The following RAD51B variants were observed in gnomAD, a reference collection of about 807,000 sequenced individuals.
RAD51B encodes the protein RAD51 paralog B, also known as DNA repair protein RAD51 homolog 2.
RAD51B carries 38 observed loss-of-function variants against 42.2 expected under a neutral mutation model. That is an observed-to-expected ratio of 0.90 (90% CI 0.70 to 1.18). The LOEUF is 1.18. Ranked by LOEUF, RAD51B falls within the 50% of genes most tolerant of loss-of-function variation. The pLI is 0.00. For missense variants in RAD51B, 373 were observed against 400.7 expected, an observed-to-expected ratio of 0.93 and a Z score of 0.59; for synonymous variants, 154 against 145.2, an observed-to-expected ratio of 1.06 and a Z score of -0.43.
intron 7 of RAD51B, among the ~76,000 whole-genome samples, chr14:68,255,874 TG>T (rs1481719484): frequency 1.3e-5 from 2 of 152,154 alleles, no homozygotes; most frequent in Non-Finnish European, 2.9e-5. Context: ...TAGAGGTGCC[TG>T]GGGGAGGGAA....
Position 68,477,808 on chromosome 14 carries a change from C to G in RAD51B, c.*144C>G. On this transcript the variant is annotated 3_prime_UTR_variant, in exon 11 of 11. Transcript: ENST00000471583. ...TGTTGAGATGGTAACAGATTTGCTC[C>G]TAAACCATTGAGCTAGCGATTTCAG... 1 of 1,494,108 alleles carries G rather than the reference C, an allele frequency of 6.7e-7. No homozygotes were observed. Among genetic ancestry groups the G allele is most frequent in the Non-Finnish European group, 8.9e-7 (1 of 1,124,312 alleles). 92.6% of individuals were successfully genotyped at this position (1,494,108 alleles called of 1,614,324 possible).
At position 68,611,142 on chromosome 14, in the gene RAD51B, C is replaced by T. The variant is rs746818123; in HGVS notation, c.1173C>T (p.Ser391=). ...ATCCCAGGCTGTTACCCAGTGTCTC[C>T]ATGTGCCCTCCACAGATGCACTCAA... Residue 391 remains serine (S), a synonymous_variant, in exon 11 of 11, where the codon TCC becomes TCT. Coordinates refer to the RAD51B transcript ENST00000487861. 1.4e-5 allele frequency: 10 copies of T among 703,220 alleles called. No individual in the cohort carries two copies. The East Asian group carries it at 2.7e-4, about 19-fold the overall frequency. The allele number at this position is 703,220 out of a possible 1,614,324, so 43.6% of individuals were successfully genotyped here. A position where few individuals can be genotyped will look rare whatever the true frequency, so the allele number is the denominator to read the frequency against.
chr14:68,443,841 T>TA (rs200083707), intron 9 of RAD51B, among the ~76,000 whole-genome samples: 11,327 of 143,516 alleles, frequency 0.079, 465 homozygotes, highest in Non-Finnish European at 0.094. Context: ...AATTTGTGTT[T>TA]AAAAAAAAAA....
intron 9 of RAD51B, among the ~76,000 whole-genome samples, chr14:68,454,347 A>G (rs2085629717): frequency 1.3e-5 from 2 of 152,334 alleles, no homozygotes; most frequent in South Asian, 2.1e-4. Flanking sequence ...AAGAACATTG[A>G]CAAAAACTTA....
intron 4 of RAD51B, among the ~76,000 whole-genome samples, chr14:67,845,109 G>A (rs1018613071): frequency 5.9e-5 from 9 of 151,680 alleles, no homozygotes; most frequent in African/African-American, 2.0e-4. Flanking sequence ...TACATTCAAC[G>A]TTAATATTGA....
chr14:68,631,029 A>T (rs1892215799), intron 10 of RAD51B, among the ~76,000 whole-genome samples: 2 of 152,190 alleles, frequency 1.3e-5, no homozygotes, highest in African/African-American at 4.8e-5. Flanking sequence ...GAGCTCATAT[A>T]ATTGAGGCAA....
At chr14:68,273,667 G>A (rs1368901633) in intron 7 of RAD51B, among the ~76,000 whole-genome samples, 5 of 152,004 alleles carry the variant, frequency 3.3e-5, no homozygotes, top group African/African-American at 9.7e-5. Flanking sequence ...GATTAGGTTC[G>A]GAACAAGCAC....
chr14:68,346,457 G>A (rs1407779129), intron 8 of RAD51B, among the ~76,000 whole-genome samples: 2 of 152,096 alleles, frequency 1.3e-5, no homozygotes, highest in Non-Finnish European at 2.9e-5. Context: ...CTATTCTGTT[G>A]CCCCTTCCCC....
intron 10 of RAD51B, among the ~76,000 whole-genome samples, chr14:68,553,481 G>C (rs1888675629): frequency 6.6e-6 from 1 of 152,128 alleles, no homozygotes; most frequent in Admixed American, 6.5e-5. Context: ...TGCAGCTGAA[G>C]ACGAGCCATC....
intron 9 of RAD51B, among the ~76,000 whole-genome samples, chr14:68,458,053 A>G (rs2140206455): frequency 6.6e-6 from 1 of 152,280 alleles, no homozygotes; most frequent in Middle Eastern, 3.4e-3. Context: ...AGAAAAGTGT[A>G]CTGATGTTTG....
intron 7 of RAD51B, among the ~76,000 whole-genome samples, chr14:68,012,168 G>A (rs1295792071): frequency 6.6e-6 from 1 of 152,128 alleles, no homozygotes; most frequent in Non-Finnish European, 1.5e-5. Context: ...ACCTAGTTCA[G>A]GGAAGCTTGT....
At chr14:68,529,968 G>A (rs1887172346) in intron 10 of RAD51B, among the ~76,000 whole-genome samples, 1 of 152,070 alleles carries the variant, frequency 6.6e-6, no homozygotes, top group African/African-American at 2.4e-5. Context: ...ACACAGATAG[G>A]ATAAATTCTA....
At chr14:67,842,811 A>G (rs1189089085) in intron 4 of RAD51B, among the ~76,000 whole-genome samples, 2 of 152,204 alleles carry the variant, frequency 1.3e-5, no homozygotes, top group Non-Finnish European at 2.9e-5. Flanking sequence ...TGGGTTTGTC[A>G]TAAATGGGTC....
At chr14:68,391,106 G>A (rs978302479) in intron 8 of RAD51B, among the ~76,000 whole-genome samples, 1 of 151,292 alleles carries the variant, frequency 6.6e-6, no homozygotes. Context: ...AGAATTAGGT[G>A]GGAGATAAAT....
intron 7 of RAD51B, among the ~76,000 whole-genome samples, chr14:68,228,538 T>C (rs2080086279): frequency 6.6e-6 from 1 of 152,164 alleles, no homozygotes; most frequent in African/African-American, 2.4e-5. Context: ...GAAACCAACA[T>C]CTTTGATTTT....
intron 10 of RAD51B, among the ~76,000 whole-genome samples, chr14:68,503,916 C>T (rs1395493224): frequency 6.6e-6 from 1 of 151,806 alleles, no homozygotes; most frequent in East Asian, 1.9e-4. Flanking sequence ...ATGCAGACCC[C>T]AAAAGGAAAA....
chr14:67,835,624 A>G (rs2041216485), intron 4 of RAD51B, among the ~76,000 whole-genome samples: 1 of 151,546 alleles, frequency 6.6e-6, no homozygotes, highest in Non-Finnish European at 1.5e-5. Context: ...TATTTTATAT[A>G]TATGATTATA....
chr14:68,069,420 AATCCTCACC>A (rs1397428394), intron 7 of RAD51B: 3 of 152,022 alleles, frequency 2.0e-5, no homozygotes, highest in African/African-American at 7.2e-5. Context: ...TAGTTTTTAA[AATCCTCACC>A]ATCCTCCCAC....
At chr14:68,017,430 A>G (rs1481069099) in intron 7 of RAD51B, among the ~76,000 whole-genome samples, 1 of 152,076 alleles carries the variant, frequency 6.6e-6, no homozygotes, top group Non-Finnish European at 1.5e-5. Flanking sequence ...TCCGGAGCTC[A>G]GGCAGCCTGC....
Sources: gnomAD v4.1 joint callset for allele counts (sites outside exome capture counted in the v4.1 genomes callset) on GRCh38, gnomAD v4.1.1 for gene constraint, MANE v1.5 for transcripts, NCBI Gene and HGNC (gene_info 2026-07-23, HGNC 2026-07-21) for gene names.